Variants in PRKCA observed in about 807,000 individuals in gnomAD.
The protein encoded by PRKCA is protein kinase C alpha type.
PRKCA carries 27 observed loss-of-function variants against 87.0 expected under a neutral mutation model. That is an observed-to-expected ratio of 0.31 (90% CI 0.23 to 0.43). PRKCA has a LOEUF of 0.43. Among genes scored for constraint, PRKCA ranks in the 20% least tolerant of loss-of-function variants. The probability of loss-of-function intolerance (pLI) is 1.00; values close to 1 mark genes in which losing one functional copy is unlikely to be tolerated. For missense variants in PRKCA, 518 were observed against 852.3 expected, an observed-to-expected ratio of 0.61 and a Z score of 4.88; for synonymous variants, 329 against 311.1, an observed-to-expected ratio of 1.06 and a Z score of -0.61.
chr17:66,771,680 C>T (rs538231111), intron 13 of PRKCA, among the ~76,000 whole-genome samples: 1 of 152,244 alleles, frequency 6.6e-6, no homozygotes, highest in South Asian at 2.1e-4. Context: ...ATTGCAACCT[C>T]CACCTCCCGG....
intron 2 of PRKCA, chr17:66,403,703 T>C (rs1911173258): frequency 1.3e-5 from 2 of 152,192 alleles, no homozygotes; most frequent in Non-Finnish European, 2.9e-5. Context: ...TACAATACAG[T>C]CTTTCACAGA....
At chr17:66,715,329 A>G (rs966867163) in intron 8 of PRKCA, among the ~76,000 whole-genome samples, 10 of 152,124 alleles carry the variant, frequency 6.6e-5, no homozygotes, top group East Asian at 1.9e-4. Flanking sequence ...CTTAGCTTCA[A>G]TTGGATTTTC....
At chr17:66,768,592 A>C (rs1974861989) in intron 13 of PRKCA, among the ~76,000 whole-genome samples, 1 of 152,226 alleles carries the variant, frequency 6.6e-6, no homozygotes, top group Non-Finnish European at 1.5e-5. Flanking sequence ...GGAAACTTAC[A>C]ATCATGGCGG....
At chr17:66,612,007 T>C (rs1229974800) in intron 3 of PRKCA, among the ~76,000 whole-genome samples, 1 of 152,036 alleles carries the variant, frequency 6.6e-6, no homozygotes, top group Admixed American at 6.6e-5. Flanking sequence ...ATTTTTATAA[T>C]GGATTTATTT....
chr17:66,668,178 C>G (rs575266441), intron 5 of PRKCA, among the ~76,000 whole-genome samples: 1 of 152,194 alleles, frequency 6.6e-6, no homozygotes, highest in African/African-American at 2.4e-5. Context: ...GGAGGCACTC[C>G]TTTGCTATGG....
At chr17:66,420,844 G>A in intron 2 of PRKCA, among the ~76,000 whole-genome samples, 1 of 152,168 alleles carries the variant, frequency 6.6e-6, no homozygotes, top group East Asian at 1.9e-4. Context: ...TTGGCCTGAA[G>A]TTTTGGAATT....
At chr17:66,775,270 G>A (rs143291104) in intron 14 of PRKCA, 30 of 984,976 alleles carry the variant, frequency 3.0e-5, no homozygotes, top group East Asian at 2.3e-4. Flanking sequence ...TCTCCTGTCC[G>A]TCAGCCCTAC....
chr17:66,507,113 G>T (rs373471560), intron 3 of PRKCA, among the ~76,000 whole-genome samples: 35 of 152,282 alleles, frequency 2.3e-4, no homozygotes, highest in African/African-American at 7.9e-4. Flanking sequence ...TGTGTGTGAG[G>T]TATTATGGGA....
intron 2 of PRKCA, among the ~76,000 whole-genome samples, chr17:66,394,195 T>TA (rs1200586250): frequency 1.3e-5 from 2 of 152,072 alleles, no homozygotes; most frequent in African/African-American, 4.8e-5. Context: ...CAAAGAAATG[T>TA]CTTTTTTTTG....
intron 3 of PRKCA, among the ~76,000 whole-genome samples, chr17:66,587,050 A>T (rs769211457): frequency 1.3e-5 from 2 of 152,148 alleles, no homozygotes; most frequent in Non-Finnish European, 2.9e-5. Context: ...TCTACTCAGA[A>T]ACCTCACAAT....
At chr17:66,641,604 CAA>C (rs1440983050) in intron 4 of PRKCA, 138 bp downstream of exon 4, 1 of 487,424 alleles carries the variant, frequency 2.1e-6, no homozygotes, top group African/African-American at 2.0e-5. Flanking sequence ...ACCAGACTGA[CAA>C]AGTGTAGATT....
chr17:66,389,854 A>G (rs372525763), intron 2 of PRKCA, among the ~76,000 whole-genome samples: 3 of 152,376 alleles, frequency 2.0e-5, no homozygotes, highest in East Asian at 1.9e-4. Context: ...GGCTTTGCCC[A>G]TGCAAAATGC....
intron 2 of PRKCA, among the ~76,000 whole-genome samples, chr17:66,368,386 ATTTT>A (rs1180540465): frequency 5.5e-3 from 140 of 25,356 alleles, no homozygotes; most frequent in African/African-American, 0.017. Flanking sequence ...ATATATATAT[ATTTT>A]TTTTTTTTTT....
At chr17:66,763,036 T>A (rs1253661572) in intron 13 of PRKCA, among the ~76,000 whole-genome samples, 3 of 152,188 alleles carry the variant, frequency 2.0e-5, no homozygotes, top group African/African-American at 7.2e-5. Context: ...AGTGATCCTA[T>A]CGCCTTGGCC....
intron 3 of PRKCA, among the ~76,000 whole-genome samples, chr17:66,556,457 A>G (rs1329390412): frequency 6.6e-6 from 1 of 152,022 alleles, no homozygotes; most frequent in African/African-American, 2.4e-5. Context: ...GAGCTAAAGA[A>G]ATGGAAATAT....
intron 13 of PRKCA, among the ~76,000 whole-genome samples, chr17:66,750,232 A>G (rs1390301144): frequency 6.6e-6 from 1 of 152,090 alleles, no homozygotes; most frequent in Non-Finnish European, 1.5e-5. Flanking sequence ...CCAGCCCAGC[A>G]TGGGCAGGAG....
At chr17:66,789,102 G>A (rs1387623194) in intron 16 of PRKCA, 123 bp downstream of exon 16, 20 of 1,243,032 alleles carry the variant, frequency 1.6e-5, no homozygotes, top group South Asian at 2.7e-5. Context: ...GTGAGGAAAC[G>A]GGCCAGGTTT....
chr17:66,413,266 A>G (rs1567816270), intron 2 of PRKCA, among the ~76,000 whole-genome samples: 1 of 152,114 alleles, frequency 6.6e-6, no homozygotes, highest in Non-Finnish European at 1.5e-5. Flanking sequence ...TTGCTGATTT[A>G]TTATAAAGGA....
chr17:66,614,013 A>C (rs1970448865), intron 3 of PRKCA, among the ~76,000 whole-genome samples: 1 of 149,694 alleles, frequency 6.7e-6, no homozygotes, highest in Non-Finnish European at 1.5e-5. Context: ...CTTGTCTTGA[A>C]CTCCTGGCTT....
Sources: allele counts gnomAD v4.1 joint callset (sites outside exome capture counted in the v4.1 genomes callset), GRCh38; gene constraint gnomAD v4.1.1; transcripts MANE v1.5; gene names NCBI Gene and HGNC (gene_info 2026-07-23, HGNC 2026-07-21).